The following CXCR5 variants were observed in gnomAD, a reference collection of about 807,000 sequenced individuals.
CXCR5 encodes C-X-C chemokine receptor type 5.
A neutral mutation model predicts 5.6 loss-of-function variants in CXCR5; 3 were observed. The observed-to-expected ratio is 0.54, with a 90% confidence interval of 0.24 to 1.39. CXCR5 has a LOEUF of 1.39. Among genes scored for constraint, CXCR5 ranks in the 40% most tolerant of loss-of-function variants. The pLI, the probability that CXCR5 is intolerant of heterozygous loss-of-function variation, is 0.16. For synonymous variants in CXCR5, 218 were observed against 219.9 expected (o/e 0.99, Z 0.08); for missense variants, 333 against 494.6 (o/e 0.67, Z 3.10).
intron 1 of CXCR5, among the ~76,000 whole-genome samples, chr11:118,884,921 T>C (rs3176905): frequency 0.13 from 19,226 of 152,140 alleles, 1,392 homozygotes; most frequent in Middle Eastern, 0.17. Flanking sequence ...TTCTTCACTG[T>C]CTTTTCTCCC....
intron 1 of CXCR5, among the ~76,000 whole-genome samples, chr11:118,884,798 G>A (rs1221168070): frequency 6.6e-6 from 1 of 152,206 alleles, no homozygotes; most frequent in Non-Finnish European, 1.5e-5. Flanking sequence ...AGTTGACTTG[G>A]TTGTCACTGG....
Position 118,895,481 on chromosome 11 carries a change from GATCA to G in CXCR5, c.*824_*827del, listed in dbSNP as rs1201147618. 1.8e-5 allele frequency: 3 copies of G among 167,062 alleles called. No individual in the cohort carries two copies. Among genetic ancestry groups the G allele is most frequent in the African/African-American group, 4.8e-5 (2 of 41,440 alleles). 10.3% of individuals were successfully genotyped at this position (167,062 alleles called of 1,614,324 possible). A position where few individuals can be genotyped will look rare whatever the true frequency, so the allele number is the denominator to read the frequency against. ...TTCCCGAACCCCAAGGAGGGAGATG[GATCA>G]ATCAAACCCGGCGGTCCCCTCCGCC... On this transcript the variant is annotated 3_prime_UTR_variant, in exon 2 of 2. Coordinates refer to ENST00000292174, the MANE Select transcript of CXCR5 (RefSeq NM_001716.5). The surrounding 1 kb of genome is among the most constrained non-coding windows in gnomAD (Gnocchi z 4.2).
At position 118,885,280 on chromosome 11, in the gene CXCR5, T is replaced by C. The variant is rs542764195; in HGVS notation, c.51+1288T>C. 1.6e-4 allele frequency among the ~76,000 whole-genome samples: 24 copies of C among 152,272 alleles called. 1 individual carries two copies. The South Asian group carries it at 2.7e-3, about 17-fold the overall frequency. ...CCGGACCATTCATCTAACCAGGACC[T>C]GCTACATAATTTGTGGGACCCAATG... On this transcript the variant is annotated intron_variant, in intron 1 of 1. Coordinates refer to ENST00000292174, the MANE Select transcript of CXCR5 (RefSeq NM_001716.5).
chr11:118,894,305 G>A lies in CXCR5; in HGVS notation c.761G>A (p.Arg254Gln), dbSNP rs1346203529. 7 of 1,614,124 alleles carry A rather than the reference G, an allele frequency of 4.3e-6. No individual in the cohort carries two copies. In the African/African-American group the frequency reaches 5.3e-5, roughly 12 times the overall value. Reference protein sequence around the residue: ...RLRQAQRRPQRQKAVRVAILV... With the variant: ...RLRQAQRRPQQQKAVRVAILV... ...CGCCAGGCCCAGCGGCGCCCTCAGC[G>A]GCAGAAGGCAGTCAGGGTGGCCATC... is the stretch of plus-strand genomic sequence containing the variant. Residue 254 changes from arginine to glutamine, a missense_variant, in exon 2 of 2, where the codon CGG (arginine) becomes CAG (glutamine). By Grantham distance (43) the Arg-to-Gln change is conservative. Transcript: ENST00000292174. This position sits in a 1 kb window ranked among gnomAD's most constrained non-coding sequence, Gnocchi z 6.1.
intron 1 of CXCR5, chr11:118,886,246 C>T (rs969336670): frequency 1.9e-5 from 8 of 423,108 alleles, no homozygotes; most frequent in Non-Finnish European, 3.7e-5. Context: ...TCCTCCTTGT[C>T]CTTGCCCATA....
At position 118,893,884 on chromosome 11, in the gene CXCR5, G is replaced by A. The variant is rs906807201; in HGVS notation, c.340G>A (p.Gly114Ser). ...CTTTGCCGTGGCCGAGGGCTCTGTG[G>A]GCTGGGTCCTGGGGACCTTCCTCTG... ...LPFAVAEGSV[G>S]WVLGTFLCKT... The change falls in exon 2 of 2, where the codon GGC (glycine) becomes AGC (serine). Residue 114 changes from glycine to serine, a missense_variant. By Grantham distance (56) the Gly-to-Ser change is moderately conservative. Transcript: ENST00000292174. This position sits in a 1 kb window ranked among gnomAD's most constrained non-coding sequence, Gnocchi z 5.7. 6.2e-7 allele frequency: 1 copy of A among 1,614,120 alleles called. No individual in the cohort carries two copies. Among genetic ancestry groups the A allele is most frequent in the Non-Finnish European group, 8.5e-7 (1 of 1,180,030 alleles).
intron 1 of CXCR5, among the ~76,000 whole-genome samples, chr11:118,885,154 C>T (rs1748013331): frequency 6.6e-6 from 1 of 152,148 alleles, no homozygotes; most frequent in African/African-American, 2.4e-5. Flanking sequence ...GCCCAGATCC[C>T]AAGGCTGGGA....
At position 118,895,878 on chromosome 11, in the gene CXCR5, G is replaced by C. The variant is rs1939903597; in HGVS notation, c.*1215G>C. The C allele has an allele frequency of 6.0e-6, 1 of 167,244 alleles. No homozygotes were observed. Among genetic ancestry groups the C allele is most frequent in the South Asian group, 2.1e-4 (1 of 4,824 alleles). 10.4% of individuals were successfully genotyped at this position (167,244 alleles called of 1,614,324 possible). On this transcript the variant is annotated 3_prime_UTR_variant, in exon 2 of 2. Transcript: ENST00000292174. The surrounding 1 kb of genome is among the most constrained non-coding windows in gnomAD (Gnocchi z 4.2). ...TGGGGTGTGGGAGGCCCGTCCGGCA[G>C]TTCTGGGTGCTCCCTACCACCTCCC...
chr11:118,886,584 G>A, intron 1 of CXCR5: 1 of 356,922 alleles, frequency 2.8e-6, no homozygotes, highest in South Asian at 2.2e-5. Context: ...TCCTGGGGTG[G>A]GTATGCCAGG....
chr11:118,885,331 T>C lies in CXCR5; in HGVS notation c.51+1339T>C, dbSNP rs571771870. 5.9e-5 allele frequency among the ~76,000 whole-genome samples: 9 copies of C among 152,248 alleles called. No individual in the cohort carries two copies. The South Asian group carries it at 1.9e-3, about 32-fold the overall frequency. On this transcript the variant is annotated intron_variant, in intron 1 of 1. Coordinates refer to ENST00000292174, the MANE Select transcript of CXCR5 (RefSeq NM_001716.5). ...CAAAATGAAAACATGGGGCCCCTTG[T>C]TGAAAAATTATTATAAATAAGAAGG...
chr11:118,892,548 A>G (rs1046257893), intron 1 of CXCR5, among the ~76,000 whole-genome samples: 13 of 152,028 alleles, frequency 8.6e-5, no homozygotes, highest in Non-Finnish European at 1.9e-4. Flanking sequence ...GGGTGGGAAG[A>G]ACAGAGCTGG....
chr11:118,893,623 T>C lies in CXCR5; in HGVS notation c.79T>C (p.Tyr27His). ...CTGGGAACTGGACAGATTGGACAAC[T>C]ATAACGACACCTCCCTGGTGGAAAA... ...LFWELDRLDNYNDTSLVENHL... is the reference protein window; with the variant it reads ...LFWELDRLDNHNDTSLVENHL... Residue 27 changes from tyrosine to histidine, a missense_variant, in exon 2 of 2, where the codon TAT (tyrosine) becomes CAT (histidine). Physicochemically the swap from Tyr to His is moderately conservative, Grantham distance 83. Transcript: ENST00000292174. The surrounding 1 kb of genome is among the most constrained non-coding windows in gnomAD (Gnocchi z 5.7). 2.5e-6 allele frequency: 4 copies of C among 1,606,342 alleles called. No individual in the cohort carries two copies. The highest frequency in any genetic ancestry group is 3.4e-6 in the Non-Finnish European group (4 of 1,174,656).
At chr11:118,890,568 G>T (rs1305267592) in intron 1 of CXCR5, among the ~76,000 whole-genome samples, 5 of 152,028 alleles carry the variant, frequency 3.3e-5, no homozygotes, top group African/African-American at 1.2e-4. Context: ...GCAGAGGTTT[G>T]GAGACAGGAA....
At chr11:118,884,018 T>A in intron 1 of CXCR5, 26 bp downstream of exon 1, 1 of 1,609,400 alleles carries the variant, frequency 6.2e-7, no homozygotes, top group Non-Finnish European at 8.5e-7. Flanking sequence ...TAGCTTCCTG[T>A]CGCCGAGGCC....
chr11:118,886,377 C>A, intron 1 of CXCR5: 1 of 434,242 alleles, frequency 2.3e-6, no homozygotes, highest in Non-Finnish European at 4.5e-6. Context: ...ACTGGGGGCT[C>A]CTGGCCATAA....
Position 118,893,845 on chromosome 11 carries a change from G to T in CXCR5, c.301G>T (p.Val101Phe). 2 of 1,614,124 alleles carry T rather than the reference G, an allele frequency of 1.2e-6. No homozygotes were observed. Among genetic ancestry groups the T allele is most frequent in the Non-Finnish European group, 1.7e-6 (2 of 1,180,040 alleles). ...CCTGGCCGTGGCCGACCTCCTGCTGGTCTTCATCTTGCCCTTTGCCGTGGC... is the reference window on the plus strand; with the variant it reads ...CCTGGCCGTGGCCGACCTCCTGCTGTTCTTCATCTTGCCCTTTGCCGTGGC... The part of the protein sequence containing the change: ...FHLAVADLLL[V>F]FILPFAVAEG... The change falls in exon 2 of 2, where the codon GTC (valine) becomes TTC (phenylalanine). Residue 101 changes from valine to phenylalanine, a missense_variant. Transcript: ENST00000292174. The surrounding 1 kb of genome is among the most constrained non-coding windows in gnomAD (Gnocchi z 5.7).
chr11:118,887,243 G>T (rs141799943), intron 1 of CXCR5: 2 of 985,254 alleles, frequency 2.0e-6, no homozygotes, highest in Non-Finnish European at 2.4e-6. Flanking sequence ...AACAGTGGCC[G>T]CATATGTGGA....
intron 1 of CXCR5, among the ~76,000 whole-genome samples, chr11:118,890,309 A>G (rs1369265425): frequency 6.6e-6 from 1 of 152,020 alleles, no homozygotes; most frequent in Non-Finnish European, 1.5e-5. Flanking sequence ...CGTCTGTCCT[A>G]CGTAAAACAC....
Position 118,897,473 on chromosome 11 carries a change from C to T in CXCR5, c.*2810C>T, listed in dbSNP as rs189845413. On this transcript the variant is annotated 3_prime_UTR_variant, in exon 2 of 2. Coordinates refer to ENST00000292174, the MANE Select transcript of CXCR5 (RefSeq NM_001716.5). Reference sequence around the variant, plus strand: ...ACCGGTGTGGGCAAACACACATGCACGTGCACACATGTTCTCCCTGAATCA... The same window carrying T: ...ACCGGTGTGGGCAAACACACATGCATGTGCACACATGTTCTCCCTGAATCA... 9 of 300,136 alleles carry T rather than the reference C, an allele frequency of 3.0e-5. No individual in the cohort carries two copies. The highest frequency in any genetic ancestry group is 5.4e-5 in the South Asian group (2 of 37,120). The allele number at this position is 300,136 out of a possible 1,614,324, so 18.6% of individuals were successfully genotyped here.
Sources: gnomAD v4.1 joint callset for allele counts (sites outside exome capture counted in the v4.1 genomes callset) on GRCh38, gnomAD v4.1.1 for gene constraint, Gnocchi (gnomAD v3.1) non-coding constraint, MANE v1.5 for transcripts, NCBI Gene and HGNC (gene_info 2026-07-23, HGNC 2026-07-21) for gene names.